TBC1D16: variants seen among roughly 807,000 people sequenced by gnomAD.
TBC1D16 encodes CTD-2529O21.1.
Under a neutral mutation model 74.7 loss-of-function variants are expected in TBC1D16, and 58 were observed. The ratio of observed to expected loss-of-function variants is 0.78; its 90% CI spans 0.63 to 0.97. The LOEUF is 0.97. TBC1D16 is among the 50% of genes least tolerant of loss of function. The probability of loss-of-function intolerance (pLI) is 0.00; values close to 1 mark genes in which losing one functional copy is unlikely to be tolerated. For missense variants in TBC1D16, 1,014 were observed against 1,079.5 expected, an observed-to-expected ratio of 0.94 and a Z score of 0.85; for synonymous variants, 493 against 474.7, an observed-to-expected ratio of 1.04 and a Z score of -0.50.
At position 79,979,998 on chromosome 17, in the gene TBC1D16, G is replaced by A. The variant is rs1276851563; in HGVS notation, c.780-27180C>T. On this transcript the variant is annotated intron_variant, in intron 3 of 11. Transcript: ENST00000310924. The surrounding 1 kb of genome is among the most constrained non-coding windows in gnomAD (Gnocchi z 4.8). ...CTCAGGCCTGCCCAACACGGCTGTG[G>A]GCACCGGTGCCTCCCCAGACCCTCT... 6.6e-6 allele frequency among the ~76,000 whole-genome samples: 1 copy of A among 152,042 alleles called. No homozygotes were observed. Among genetic ancestry groups the A allele is most frequent in the African/African-American group, 2.4e-5 (1 of 41,384 alleles).
In TBC1D16 at chr17:80,009,745, G is replaced by A. The variant is rs1021480483; in HGVS notation, c.779+415C>T. On this transcript the variant is annotated intron_variant, in intron 3 of 11. Transcript: ENST00000310924. The surrounding 1 kb of genome is among the most constrained non-coding windows in gnomAD (Gnocchi z 5.4). ...CTGGGCTTGGGCCAGCCCTGTGCGTGAGCCTAATGATGCCACCCGGGCCTC... is the reference window on the plus strand; with the variant it reads ...CTGGGCTTGGGCCAGCCCTGTGCGTAAGCCTAATGATGCCACCCGGGCCTC... Among the ~76,000 whole-genome samples, 2 of 152,230 alleles carry A rather than the reference G, an allele frequency of 1.3e-5. No homozygotes were observed. Among genetic ancestry groups the A allele is most frequent in the African/African-American group, 4.8e-5 (2 of 41,466 alleles).
rs1051597021 is a variant in TBC1D16 at position 79,994,842 on chromosome 17, G to A, written c.779+15318C>T. 1.3e-5 allele frequency among the ~76,000 whole-genome samples: 2 copies of A among 152,238 alleles called. No individual in the cohort carries two copies. The highest frequency in any genetic ancestry group is 6.5e-5 in the Admixed American group (1 of 15,286). On this transcript the variant is annotated intron_variant, in intron 3 of 11. Coordinates refer to ENST00000310924, the MANE Select transcript of TBC1D16 (RefSeq NM_019020.4). The surrounding 1 kb of genome is among the most constrained non-coding windows in gnomAD (Gnocchi z 4.6). ...GACGTGGTCTAGGTGTAAAGTACAC[G>A]CGAAATTCCCAGGACTTGGTAAACA...
At chr17:80,022,363 C>T (rs949749264) in intron 1 of TBC1D16, among the ~76,000 whole-genome samples, 1 of 149,578 alleles carries the variant, frequency 6.7e-6, no homozygotes, top group Admixed American at 6.6e-5. Flanking sequence ...GACAGAGTTT[C>T]TCTCTTGTTG....
chr17:79,955,299 G>A (rs1423458051), intron 3 of TBC1D16, among the ~76,000 whole-genome samples: 2 of 152,134 alleles, frequency 1.3e-5, no homozygotes, highest in Non-Finnish European at 1.5e-5. Context: ...CATGGAGGAC[G>A]AGGTCTGGTG....
intron 9 of TBC1D16, 110 bp downstream of exon 9, chr17:79,947,535 C>T: frequency 1.6e-6 from 2 of 1,262,314 alleles, no homozygotes; most frequent in Non-Finnish European, 2.3e-6. Flanking sequence ...CCACTGCCCA[C>T]TGACCTACAG....
At chr17:79,968,965 T>C (rs1385284507) in intron 3 of TBC1D16, among the ~76,000 whole-genome samples, 2 of 151,106 alleles carry the variant, frequency 1.3e-5, no homozygotes, top group Non-Finnish European at 1.5e-5. Context: ...ACACTTAAGA[T>C]GTAAGAATAA....
At chr17:79,949,684 G>T (rs8069563) in intron 7 of TBC1D16, 33 bp downstream of exon 7, 1 of 1,582,074 alleles carries the variant, frequency 6.3e-7, no homozygotes, top group Non-Finnish European at 8.6e-7. Flanking sequence ...TCCGCGGCTC[G>T]GCGGGGTGGG....
In TBC1D16 at chr17:79,942,108, G is replaced by T. The variant is rs2032067944; in HGVS notation, c.2007C>A (p.His669Gln). Residue 669 changes from histidine (H) to glutamine (Q), a missense_variant, in exon 11 of 12, where the codon CAC (histidine) becomes CAA (glutamine). Transcript: ENST00000310924. ...TCATGTGCATGGCCAGGTTTCCGAA[G>T]TGCAGGAGCATCTGGTCCGTGGCCA... ...QQLATDQMLL[H>Q]FGNLAMHMNG... 6.2e-7 allele frequency: 1 copy of T among 1,612,218 alleles called. No homozygotes were observed. Among genetic ancestry groups the T allele is most frequent in the African/African-American group, 1.3e-5 (1 of 74,910 alleles).
intron 3 of TBC1D16, among the ~76,000 whole-genome samples, chr17:79,966,206 TCTA>T (rs750295869): frequency 6.6e-6 from 1 of 152,116 alleles, no homozygotes; most frequent in African/African-American, 2.4e-5. Flanking sequence ...TGTATATGGG[TCTA>T]CTGTGTCTCT....
At chr17:79,965,667 G>T (rs1342715687) in intron 3 of TBC1D16, among the ~76,000 whole-genome samples, 1 of 152,186 alleles carries the variant, frequency 6.6e-6, no homozygotes, top group Non-Finnish European at 1.5e-5. Context: ...GGACAGCTAG[G>T]CGTGACCTAT....
At chr17:79,948,794 G>A (rs2032781444) in intron 8 of TBC1D16, 78 bp downstream of exon 8, 5 of 1,582,894 alleles carry the variant, frequency 3.2e-6, no homozygotes, top group Non-Finnish European at 4.3e-6. Context: ...CTCGCTGGGG[G>A]CTCATCCACT....
chr17:79,980,704 C>A lies in TBC1D16; in HGVS notation c.780-27886G>T. Among the ~76,000 whole-genome samples the A allele has an allele frequency of 6.6e-6, 1 of 152,182 alleles. No individual in the cohort carries two copies. Among genetic ancestry groups the A allele is most frequent in the East Asian group, 1.9e-4 (1 of 5,190 alleles). ...ACATGGCTTGGTCCCGCCTTTCAGC[C>A]CCCCAGGGTTCACTCGAACCGCCTC... is the stretch of plus-strand genomic sequence containing the variant. On this transcript the variant is annotated intron_variant, in intron 3 of 11. Coordinates refer to ENST00000310924, the MANE Select transcript of TBC1D16 (RefSeq NM_019020.4). The surrounding 1 kb of genome is among the most constrained non-coding windows in gnomAD (Gnocchi z 7.0).
chr17:79,999,022 G>T (rs953223435), intron 3 of TBC1D16, among the ~76,000 whole-genome samples: 1 of 152,122 alleles, frequency 6.6e-6, no homozygotes, highest in African/African-American at 2.4e-5. Flanking sequence ...CTGGGAGGCC[G>T]AGGCGGGGGG....
intron 1 of TBC1D16, among the ~76,000 whole-genome samples, chr17:80,024,457 CACCATAGA>C (rs2036432894): frequency 6.6e-4 from 7 of 10,584 alleles, no homozygotes; most frequent in South Asian, 2.9e-3. Context: ...ACACCACACA[CACCATAGA>C]CACACACACC....
At chr17:79,969,452 G>A (rs977091237) in intron 3 of TBC1D16, among the ~76,000 whole-genome samples, 6 of 152,242 alleles carry the variant, frequency 3.9e-5, no homozygotes, top group Non-Finnish European at 8.8e-5. Context: ...CACCCACTGG[G>A]ATGGCTATAA....
At chr17:79,942,531 TG>T (rs59043351) in intron 10 of TBC1D16, among the ~76,000 whole-genome samples, 2,690 of 55,178 alleles carry the variant, frequency 0.049, 74 homozygotes, top group African/African-American at 0.15. Context: ...AGGGTGGGGG[TG>T]GGGGGGTACA....
In TBC1D16 at chr17:80,021,381, G is replaced by C. The variant is rs186041254; in HGVS notation, c.-62-7772C>G. ...CGGGAGGCTAAGGTGGATCACTTGAGCCCAGGACGTCGAGGCTGCATTGAG... is the reference window on the plus strand; with the variant it reads ...CGGGAGGCTAAGGTGGATCACTTGACCCCAGGACGTCGAGGCTGCATTGAG... On this transcript the variant is annotated intron_variant, in intron 1 of 11. Transcript: ENST00000310924. Among the ~76,000 whole-genome samples the C allele has an allele frequency of 1.5e-4, 23 of 149,742 alleles. 1 individual carries two copies. Among genetic ancestry groups the C allele is most frequent in the African/African-American group, 5.9e-4 (23 of 39,182 alleles).
In TBC1D16 at chr17:79,936,941, C is replaced by T. The variant is rs56014161; in HGVS notation, c.*3918G>A. On this transcript the variant is annotated 3_prime_UTR_variant, in exon 12 of 12. Transcript: ENST00000310924. ...GTGTGTGTGTGTGTGTGTGTGTGTG[C>T]GCATTTTCCCAGGGGACCTCTCCTC... 0.4 allele frequency: 43,611 copies of T among 110,236 alleles called. 6,607 individuals are homozygous for T. The highest frequency in any genetic ancestry group is 0.51 in the East Asian group (2,009 of 3,940). 6.8% of individuals were successfully genotyped at this position (110,236 alleles called of 1,614,324 possible).
chr17:79,938,887 G>A lies in TBC1D16; in HGVS notation c.*1972C>T, dbSNP rs144044662. The A allele has an allele frequency of 1.3e-5, 2 of 152,474 alleles. No individual in the cohort carries two copies. Among genetic ancestry groups the A allele is most frequent in the East Asian group, 3.9e-4 (2 of 5,186 alleles). 9.4% of individuals were successfully genotyped at this position (152,474 alleles called of 1,614,324 possible). On this transcript the variant is annotated 3_prime_UTR_variant, in exon 12 of 12. Transcript: ENST00000310924. The stretch of plus-strand genomic sequence containing the variant: ...CAGGAGGGATGCAAGAGACCACAGA[G>A]CAGGGCCAGGTCCGACCTCTGCACC...
Sources: allele counts gnomAD v4.1 joint callset (sites outside exome capture counted in the v4.1 genomes callset), GRCh38; gene constraint gnomAD v4.1.1; non-coding constraint Gnocchi (gnomAD v3.1); transcripts MANE v1.5; gene names NCBI Gene and HGNC (gene_info 2026-07-23, HGNC 2026-07-21).